RORA: variants seen among roughly 807,000 people sequenced by gnomAD.
RORA encodes RAR related orphan receptor A.
Under a neutral mutation model 69.5 loss-of-function variants are expected in RORA, and 7 were observed. The ratio of observed to expected loss-of-function variants is 0.10; its 90% CI spans 0.06 to 0.19. RORA has a LOEUF of 0.19. Among genes scored for constraint, RORA ranks in the 10% least tolerant of loss-of-function variants. The pLI, the probability that RORA is intolerant of heterozygous loss-of-function variation, is 1.00. For synonymous variants in RORA, 261 were observed against 240.8 expected, an observed-to-expected ratio of 1.08 and a Z score of -0.78; for missense variants, 457 against 663.0, an observed-to-expected ratio of 0.69 and a Z score of 3.41.
chr15:61,181,116 A>AG (rs1306997108), intron 1 of RORA: 2 of 152,076 alleles, frequency 1.3e-5, no homozygotes, highest in Admixed American at 1.3e-4. Context: ...AAAAAAAAAA[A>AG]AAAAAAAATC....
At chr15:60,592,172 GC>G (rs2068539507) in intron 2 of RORA, among the ~76,000 whole-genome samples, 1 of 151,938 alleles carries the variant, frequency 6.6e-6, no homozygotes, top group Non-Finnish European at 1.5e-5. Flanking sequence ...TCCACCCCGT[GC>G]GCCTTTGCCC....
chr15:60,925,425 T>C (rs1278107932), intron 1 of RORA, among the ~76,000 whole-genome samples: 5 of 152,306 alleles, frequency 3.3e-5, no homozygotes, highest in Middle Eastern at 3.4e-3. Context: ...GTTACACATA[T>C]TGTTTGGGGC....
At chr15:60,959,155 T>A (rs1893348699) in intron 1 of RORA, among the ~76,000 whole-genome samples, 5 of 152,238 alleles carry the variant, frequency 3.3e-5, no homozygotes. Flanking sequence ...TAGGTACTTT[T>A]GTGTAAGAGG....
chr15:60,782,359 T>A (rs1185045787), intron 1 of RORA, among the ~76,000 whole-genome samples: 6 of 152,224 alleles, frequency 3.9e-5, no homozygotes, highest in South Asian at 2.1e-4. Flanking sequence ...ACTCTTTTGC[T>A]TTGAAAGTGT....
chr15:60,862,889 T>C (rs546368248), intron 1 of RORA, among the ~76,000 whole-genome samples: 2 of 152,346 alleles, frequency 1.3e-5, no homozygotes, highest in Non-Finnish European at 2.9e-5. Flanking sequence ...TTTAGTGTCA[T>C]GATGCTTCAA....
At chr15:60,571,407 AT>A (rs1435453591) in intron 2 of RORA, among the ~76,000 whole-genome samples, 1 of 152,224 alleles carries the variant, frequency 6.6e-6, no homozygotes, top group African/African-American at 2.4e-5. Context: ...CTTAACTAGA[AT>A]TAGTTTTTTC....
At chr15:60,975,583 G>A (rs1015636365) in intron 1 of RORA, among the ~76,000 whole-genome samples, 9 of 152,214 alleles carry the variant, frequency 5.9e-5, no homozygotes, top group African/African-American at 2.2e-4. Flanking sequence ...TGCCTTGAGT[G>A]TATGGAATCT....
intron 1 of RORA, among the ~76,000 whole-genome samples, chr15:61,092,256 A>C (rs111259756): frequency 2.0e-5 from 3 of 152,246 alleles, no homozygotes; most frequent in African/African-American, 7.2e-5. Context: ...TATGAAACTC[A>C]CTTAAAGGCT....
intron 1 of RORA, among the ~76,000 whole-genome samples, chr15:60,704,211 T>C (rs2071026448): frequency 6.6e-6 from 1 of 152,228 alleles, no homozygotes; most frequent in Admixed American, 6.5e-5. Flanking sequence ...TTAAGGTTTC[T>C]CCCGAGGTGT....
chr15:60,613,168 TA>T (rs1300233959), intron 2 of RORA, among the ~76,000 whole-genome samples: 1 of 152,086 alleles, frequency 6.6e-6, no homozygotes, highest in African/African-American at 2.4e-5. Context: ...CAATTATGAG[TA>T]ATAGGTCTCC....
In RORA at chr15:60,920,774, C is replaced by T. The variant is rs185942925; in HGVS notation, c.167-242088G>A. On this transcript the variant is annotated intron_variant, in intron 1 of 10. Transcript: ENST00000335670. The stretch of plus-strand genomic sequence containing the variant: ...TATTGAAATCTTCATAACATTTTTC[C>T]ATTTGCTGATAGTTTAAACAATTAT... Among the ~76,000 whole-genome samples, 980 of 152,238 alleles carry T rather than the reference C, an allele frequency of 6.4e-3. 10 individuals are homozygous for T. The highest frequency in any genetic ancestry group is 9.3e-3 in the Non-Finnish European group (633 of 68,002).
chr15:60,624,991 T>C (rs1338721658), intron 2 of RORA, among the ~76,000 whole-genome samples: 2 of 152,158 alleles, frequency 1.3e-5, no homozygotes, highest in East Asian at 1.9e-4. Context: ...ACCCTCTACA[T>C]TGGGAAATGT....
At chr15:61,034,405 A>T (rs920639000) in intron 1 of RORA, among the ~76,000 whole-genome samples, 1 of 152,176 alleles carries the variant, frequency 6.6e-6, no homozygotes, top group African/African-American at 2.4e-5. Context: ...CCTGGATCTT[A>T]GTTGAAAGCT....
At chr15:60,603,177 G>A (rs1245592178) in intron 2 of RORA, among the ~76,000 whole-genome samples, 1 of 152,114 alleles carries the variant, frequency 6.6e-6, no homozygotes, top group Non-Finnish European at 1.5e-5. Context: ...AAGGACAGTT[G>A]GGTTGTTTCC....
chr15:60,632,935 T>TAA (rs2069768855), intron 2 of RORA, among the ~76,000 whole-genome samples: 1 of 152,186 alleles, frequency 6.6e-6, no homozygotes, highest in East Asian at 1.9e-4. Flanking sequence ...TTGCCAAGTT[T>TAA]AAATTTGATC....
chr15:61,100,112 C>CTT lies in RORA; in HGVS notation c.166+128939_166+128940dup, dbSNP rs911036920. ...CATCTGGGAATGAATGGTCAATTTT[C>CTT]TTTTTTTTTTTTTTTTTTTTCTTTT... On this transcript the variant is annotated intron_variant, in intron 1 of 10. Transcript: ENST00000335670. Among the ~76,000 whole-genome samples the CTT allele has an allele frequency of 3.2e-3, 381 of 119,060 alleles. 5 individuals carry two copies. Among genetic ancestry groups the CTT allele is most frequent in the Middle Eastern group, 4.9e-3 (1 of 204 alleles). The allele number at this position is 119,060 out of a possible 152,430, so 78.1% of individuals were successfully genotyped here.
At chr15:60,672,327 T>A (rs2070486259) in intron 2 of RORA, among the ~76,000 whole-genome samples, 1 of 152,084 alleles carries the variant, frequency 6.6e-6, no homozygotes, top group African/African-American at 2.4e-5. Context: ...CTCTGAAAAA[T>A]GAAGCTCTTC....
At chr15:60,625,679 G>A (rs534003183) in intron 2 of RORA, among the ~76,000 whole-genome samples, 5 of 152,198 alleles carry the variant, frequency 3.3e-5, no homozygotes, top group African/African-American at 7.2e-5. Context: ...AAGATGTGGC[G>A]TGAATTGAAA....
chr15:60,699,690 C>T (rs886925614), intron 1 of RORA, among the ~76,000 whole-genome samples: 2 of 152,162 alleles, frequency 1.3e-5, no homozygotes, highest in African/African-American at 2.4e-5. Flanking sequence ...AAGCACAGTA[C>T]TGTAGCATCT....
Sources: gnomAD v4.1 joint callset for allele counts (sites outside exome capture counted in the v4.1 genomes callset) on GRCh38, gnomAD v4.1.1 for gene constraint, MANE v1.5 for transcripts, NCBI Gene and HGNC (gene_info 2026-07-23, HGNC 2026-07-21) for gene names.